Variants in PSG7 observed in about 807,000 individuals in gnomAD.
PSG7 encodes the protein pregnancy specific beta-1-glycoprotein 7.
In PSG7, 57 loss-of-function variants were observed where a neutral mutation model predicts 45.6. The observed-to-expected ratio is 1.25, with a 90% CI of 1.01 to 1.56. The LOEUF is 1.56. Ranked by LOEUF, PSG7 falls within the 40% of genes most tolerant of loss-of-function variation. The probability of loss-of-function intolerance (pLI) is 0.00; values close to 1 mark genes in which losing one functional copy is unlikely to be tolerated. For synonymous variants in PSG7, 298 were observed against 194.4 expected (o/e 1.53, Z -4.43); for missense variants, 796 against 508.4 (o/e 1.57, Z -5.44).
chr19:42,936,859 G>C (rs1228290723), intron 1 of PSG7, among the ~76,000 whole-genome samples, 154 bp downstream of exon 1: 1 of 151,410 alleles, frequency 6.6e-6, no homozygotes, highest in Non-Finnish European at 1.5e-5. Context: ...GTGTTGGCCA[G>C]ACTGATCTTG....
chr19:42,926,900 C>G, intron 3 of PSG7, 184 bp from the exon 4 acceptor site: 2 of 1,162,452 alleles, frequency 1.7e-6, no homozygotes, highest in Non-Finnish European at 2.4e-6. Flanking sequence ...GTGAGGCCAC[C>G]TGCTCAGTCT....
At chr19:42,930,827 C>G (rs1471997788) in intron 2 of PSG7, among the ~76,000 whole-genome samples, 4 of 151,598 alleles carry the variant, frequency 2.6e-5, no homozygotes, top group African/African-American at 4.8e-5. Context: ...TGAGGGGGTT[C>G]TAGAGATCTC....
Position 42,937,018 on chromosome 19 carries a change from A to G in PSG7, c.59T>C (p.Leu20Pro), listed in dbSNP as rs766315659. ...TQHITWKGLL[L>P]TASLLNFWNP... is the part of the protein sequence containing the mutation. Reference sequence around the variant, plus strand: ...CCAGGAAGTTCTCTCCTCACCTGTGAGCAGGAGCCCTTTCCAGGTTATATG... The same window carrying G: ...CCAGGAAGTTCTCTCCTCACCTGTGGGCAGGAGCCCTTTCCAGGTTATATG... Residue 20 changes from leucine to proline, a missense_variant, in exon 1 of 6, where the codon CTC becomes CCC. By Grantham distance (98) the Leu-to-Pro change is moderately conservative. Transcript: ENST00000406070. 2 of 1,611,138 alleles carry G rather than the reference A, an allele frequency of 1.2e-6. No individual in the cohort carries two copies. Among genetic ancestry groups the G allele is most frequent in the East Asian group, 2.2e-5 (1 of 44,772 alleles).
chr19:42,929,441 C>G lies in PSG7; in HGVS notation c.709+1G>C. ...CTAACAGAGGAACAGAAGATACTCACGGAGGAGATTCAGGGTGACTGGGTC... is the reference window on the plus strand; with the variant it reads ...CTAACAGAGGAACAGAAGATACTCAGGGAGGAGATTCAGGGTGACTGGGTC... On this transcript the variant is annotated splice_donor_variant, in intron 3 of 5. Transcript: ENST00000406070. LOFTEE classifies it high-confidence loss of function. The G allele has an allele frequency of 1.2e-6, 2 of 1,612,210 alleles. No individual in the cohort carries two copies. Among genetic ancestry groups the G allele is most frequent in the Non-Finnish European group, 8.5e-7 (1 of 1,179,010 alleles).
intron 1 of PSG7, 114 bp downstream of exon 1, chr19:42,936,899 A>C: frequency 6.8e-7 from 1 of 1,470,762 alleles, no homozygotes; most frequent in Non-Finnish European, 9.4e-7. Context: ...CACCCACCTC[A>C]GCCTCCCAAA....
At chr19:42,936,736 C>T (rs984272619) in intron 1 of PSG7, among the ~76,000 whole-genome samples, 15 of 151,280 alleles carry the variant, frequency 9.9e-5, no homozygotes, top group Admixed American at 7.3e-4. Context: ...CAACTTCTGC[C>T]TCCCGGGTTC....
Position 42,926,258 on chromosome 19 carries a change from G to T in PSG7, c.988+180C>A. ...AGCGTCCACTCCCCTTATATTCTTG[G>T]TTAAGGCTGTGCCTACCCAGGTTTT... On this transcript the variant is annotated intron_variant, in intron 4 of 5. Transcript: ENST00000406070. 4.2e-6 allele frequency: 6 copies of T among 1,416,340 alleles called. No individual in the cohort carries two copies. In the South Asian group the frequency reaches 4.4e-5, roughly 10 times the overall value. 87.7% of individuals were successfully genotyped at this position (1,416,340 alleles called of 1,614,324 possible).
At chr19:42,929,046 G>T in intron 3 of PSG7, 1 of 264,428 alleles carries the variant, frequency 3.8e-6, no homozygotes, top group Non-Finnish European at 7.4e-6. Flanking sequence ...AGGCCATGTG[G>T]AGCAAAGAGA....
In PSG7 at chr19:42,925,791, C is replaced by T. The variant is rs747491077; in HGVS notation, c.1225G>A (p.Val409Met). The T allele has an allele frequency of 5.2e-5, 84 of 1,611,896 alleles. 1 individual carries two copies. Among genetic ancestry groups the T allele is most frequent in the Admixed American group, 1.0e-4 (6 of 59,862 alleles). The change falls in exon 5 of 6, where the codon GTG (valine) becomes ATG (methionine). Residue 409 changes from valine to methionine, a missense_variant. Transcript: ENST00000406070. Reference sequence around the variant, plus strand: ...CACTTACCAGAGACTCTGACTGTCACGGATTTGGAGCTTTCCTTGCCAGTG... The same window carrying T: ...CACTTACCAGAGACTCTGACTGTCATGGATTTGGAGCTTTCCTTGCCAGTG... ...SATGKESSKS[V>M]TVRVSDWTLP
intron 1 of PSG7, chr19:42,936,069 G>A (rs1459480831): frequency 5.3e-5 from 22 of 418,518 alleles, no homozygotes; most frequent in South Asian, 2.0e-4. Flanking sequence ...GGTCCGCACG[G>A]CCCCCTCCAC....
chr19:42,926,051 C>T lies in PSG7; in HGVS notation c.989-24G>A, dbSNP rs1403053196. On this transcript the variant is annotated intron_variant, in intron 4 of 5. Transcript: ENST00000406070. Reference sequence around the variant, plus strand: ...ATCTGGAGGAAAGAGAATAAAGCCACAGGTGATGTTATCCGAGGGAAGGGG... The same window carrying T: ...ATCTGGAGGAAAGAGAATAAAGCCATAGGTGATGTTATCCGAGGGAAGGGG... 5.0e-6 allele frequency: 8 copies of T among 1,607,616 alleles called. 1 individual carries two copies. Among genetic ancestry groups the T allele is most frequent in the South Asian group, 1.1e-5 (1 of 90,150 alleles).
chr19:42,930,669 C>G (rs1972999705), intron 2 of PSG7, among the ~76,000 whole-genome samples: 1 of 151,638 alleles, frequency 6.6e-6, no homozygotes, highest in Non-Finnish European at 1.5e-5. Flanking sequence ...ATTAGACATT[C>G]TACCCTCTGA....
intron 5 of PSG7, 40 bp from the exon 6 acceptor site, chr19:42,924,864 C>T (rs902370837): frequency 2.6e-6 from 2 of 764,238 alleles, no homozygotes; most frequent in Admixed American, 1.7e-5. Flanking sequence ...ATGAACAGAG[C>T]TGCAATCTCA....
chr19:42,934,825 GA>G (rs1410975516), intron 2 of PSG7, among the ~76,000 whole-genome samples: 3 of 151,688 alleles, frequency 2.0e-5, no homozygotes, highest in African/African-American at 7.3e-5. Flanking sequence ...GTCAGGTGAA[GA>G]AAGCTCTGTC....
At chr19:42,925,565 T>G (rs1972863102) in intron 5 of PSG7, 1 of 1,283,646 alleles carries the variant, frequency 7.8e-7, no homozygotes, top group African/African-American at 1.5e-5. Context: ...CTGCTTGGTC[T>G]AGGCTGGGAA....
At chr19:42,929,910 T>C (rs1456594134) in intron 2 of PSG7, among the ~76,000 whole-genome samples, 190 bp from the exon 3 acceptor site, 6 of 151,428 alleles carry the variant, frequency 4.0e-5, no homozygotes, top group African/African-American at 7.3e-5. Context: ...CTGCCTGCTT[T>C]ATGTGGGAGA....
intron 2 of PSG7, among the ~76,000 whole-genome samples, chr19:42,933,266 AATATATATATATATATATATATATATAT>A (rs1161461136): frequency 1.3e-4 from 2 of 15,742 alleles, no homozygotes; most frequent in Admixed American, 1.4e-3. Context: ...TCACCATTTC[AATATATATATATATATATATATATATAT>A]ATATATATAT....
rs1310657357 is a variant in PSG7, at chr19:42,929,208, T to C, written c.709+234A>G. On this transcript the variant is annotated intron_variant, in intron 3 of 5. Coordinates refer to ENST00000406070, the MANE Select transcript of PSG7 (RefSeq NM_002783.3). ...GAGCCTGAGACATTCACCTGTTTCT[T>C]CCATCACAAGCTGTGGACCCTGAGT... 97 of 976,620 alleles carry C rather than the reference T, an allele frequency of 9.9e-5. 1 individual carries two copies. Among genetic ancestry groups the C allele is most frequent in the Non-Finnish European group, 7.8e-5 (53 of 682,136 alleles). The allele number at this position is 976,620 out of a possible 1,614,324, so 60.5% of individuals were successfully genotyped here.
intron 2 of PSG7, among the ~76,000 whole-genome samples, chr19:42,933,910 A>G (rs1352051274): frequency 1.3e-5 from 2 of 151,362 alleles, no homozygotes; most frequent in Non-Finnish European, 2.9e-5. Context: ...GTGATGAAAC[A>G]TGGGTGTCAG....
Sources: allele counts gnomAD v4.1 joint callset (sites outside exome capture counted in the v4.1 genomes callset), GRCh38; gene constraint gnomAD v4.1.1; transcripts MANE v1.5; gene names NCBI Gene and HGNC (gene_info 2026-07-23, HGNC 2026-07-21).